NPHS2: variants seen among roughly 807,000 people sequenced by gnomAD.
NPHS2 encodes podocin.
Under a neutral mutation model 37.1 loss-of-function variants are expected in NPHS2, and 36 were observed. The observed-to-expected ratio is 0.97, with a 90% CI of 0.74 to 1.28. The LOEUF (loss-of-function observed/expected upper bound fraction) is 1.28. Ranked by LOEUF, NPHS2 falls within the 50% of genes most tolerant of loss-of-function variation. The pLI is 0.00. For missense variants in NPHS2, 447 were observed against 488.1 expected (o/e 0.92, Z 0.79); for synonymous variants, 196 against 189.3 (o/e 1.04, Z -0.29).
intron 1 of NPHS2, among the ~76,000 whole-genome samples, chr1:179,574,559 G>T (rs563632912): frequency 4.6e-5 from 7 of 152,162 alleles, no homozygotes; most frequent in Non-Finnish European, 7.3e-5. Flanking sequence ...ACTGATGAAA[G>T]GGTATCATCA....
intron 1 of NPHS2, among the ~76,000 whole-genome samples, chr1:179,571,214 G>A (rs1674537984): frequency 6.6e-6 from 1 of 152,188 alleles, no homozygotes; most frequent in African/African-American, 2.4e-5. Flanking sequence ...TCTACCTTTG[G>A]TCTTTAATGT....
chr1:179,572,126 C>A (rs1674588610), intron 1 of NPHS2, among the ~76,000 whole-genome samples: 1 of 152,218 alleles, frequency 6.6e-6, no homozygotes. Flanking sequence ...GTTGGAAATG[C>A]AGAAATCACC....
At chr1:179,570,028 T>C (rs1270321882) in intron 1 of NPHS2, among the ~76,000 whole-genome samples, 1 of 152,204 alleles carries the variant, frequency 6.6e-6, no homozygotes, top group Non-Finnish European at 1.5e-5. Flanking sequence ...GTCTTGGGGT[T>C]GCTTTTCTCA....
At chr1:179,564,405 G>A (rs1424194986) in intron 2 of NPHS2, among the ~76,000 whole-genome samples, 1 of 152,192 alleles carries the variant, frequency 6.6e-6, no homozygotes, top group East Asian at 1.9e-4. Context: ...GCAGATGAAC[G>A]AGACATAGCC....
At position 179,559,745 on chromosome 1, in the gene NPHS2, C is replaced by CAA; in HGVS notation, c.466_467dup (p.Leu156PhefsTer26). 6.3e-7 allele frequency: 1 copy of CAA among 1,575,072 alleles called. No homozygotes were observed. Among genetic ancestry groups the CAA allele is most frequent in the Non-Finnish European group, 8.7e-7 (1 of 1,154,848 alleles). Reference sequence around the variant, plus strand: ...CCTTGTGGTAGGTATCCAGGCAGGGCAAAAAAAAGAAAAGACCTAAAAGAG... The same window carrying CAA: ...CCTTGTGGTAGGTATCCAGGCAGGGCAAAAAAAAAAGAAAAGACCTAAAAGAG... On this transcript the variant is annotated frameshift_variant, in exon 4 of 8. Transcript: ENST00000367615. LOFTEE classifies it high-confidence loss of function.
intron 1 of NPHS2, among the ~76,000 whole-genome samples, chr1:179,573,544 G>A (rs996749933): frequency 6.6e-6 from 1 of 152,070 alleles, no homozygotes; most frequent in African/African-American, 2.4e-5. Context: ...GATATTCTAT[G>A]GAACTTATTT....
Position 179,575,834 on chromosome 1 carries a change from C to A in NPHS2, c.31G>T (p.Glu11Ter). The change falls in exon 1 of 8, where the codon GAG (glutamate) becomes TAG (stop). Residue 11 changes from glutamate to a stop codon, truncating the protein, a stop_gained. Transcript: ENST00000367615. LOFTEE classifies it high-confidence loss of function. Reference protein sequence around the residue: MERRARSSSRESRGRGGRTPH... With the variant: MERRARSSSR ...GTCCTGCCGCCTCGCCCGCGGGACTCCCTGGAGGAGCTCCGCGCCCTCCTC... is the reference window on the plus strand; with the variant it reads ...GTCCTGCCGCCTCGCCCGCGGGACTACCTGGAGGAGCTCCGCGCCCTCCTC... The A allele has an allele frequency of 1.4e-6, 2 of 1,443,722 alleles. No homozygotes were observed. Among genetic ancestry groups the A allele is most frequent in the Non-Finnish European group, 9.0e-7 (1 of 1,108,034 alleles). 89.4% of individuals were successfully genotyped at this position (1,443,722 alleles called of 1,614,324 possible).
In NPHS2 at chr1:179,552,577, T is replaced by C. The variant is rs763475216; in HGVS notation, c.873+26A>G. The C allele has an allele frequency of 5.6e-6, 9 of 1,599,558 alleles. No individual in the cohort carries two copies. In the East Asian group the frequency reaches 2.0e-4, roughly 36 times the overall value. On this transcript the variant is annotated intron_variant, in intron 7 of 7. Transcript: ENST00000367615. Reference sequence around the variant, plus strand: ...ACGAGCAGGCCTTCCTAAAGGGCAGTCTGGGTGGGAGGATGGAGTGCTCAC... The same window carrying C: ...ACGAGCAGGCCTTCCTAAAGGGCAGCCTGGGTGGGAGGATGGAGTGCTCAC...
In NPHS2 at chr1:179,575,805, C is replaced by A; in HGVS notation, c.60G>T (p.Pro20=). The change falls in exon 1 of 8, where the codon CCG becomes CCT. Residue 20 remains proline, a synonymous_variant. Coordinates refer to ENST00000367615, the MANE Select transcript of NPHS2 (RefSeq NM_014625.4). ...RESRGRGGRT[P]HKENKRAKAE... is the part of the protein sequence containing the mutation. ...CCTTTGCCCTCTTGTTCTCCTTGTGCGGAGTCCTGCCGCCTCGCCCGCGGG... is the reference window on the plus strand; with the variant it reads ...CCTTTGCCCTCTTGTTCTCCTTGTGAGGAGTCCTGCCGCCTCGCCCGCGGG... 2.7e-6 allele frequency: 4 copies of A among 1,476,010 alleles called. No individual in the cohort carries two copies. The South Asian group carries it at 4.1e-5, about 15-fold the overall frequency. 91.4% of individuals were successfully genotyped at this position (1,476,010 alleles called of 1,614,324 possible). A position where few individuals can be genotyped will look rare whatever the true frequency, so the allele number is the denominator to read the frequency against.
intron 1 of NPHS2, among the ~76,000 whole-genome samples, chr1:179,572,163 G>A (rs981618566): frequency 3.3e-5 from 5 of 152,286 alleles, no homozygotes; most frequent in Admixed American, 6.5e-5. Context: ...CATGCTGGGC[G>A]CTGTAGACCG....
Position 179,550,988 on chromosome 1 carries a change from T to C in NPHS2, c.*185A>G. Reference sequence around the variant, plus strand: ...AGATGAGTCACGGAAACATGTTGTCTGCCTTCTCTGTCATTACATCATTTC... The same window carrying C: ...AGATGAGTCACGGAAACATGTTGTCCGCCTTCTCTGTCATTACATCATTTC... On this transcript the variant is annotated 3_prime_UTR_variant, in exon 8 of 8. Coordinates refer to ENST00000367615, the MANE Select transcript of NPHS2 (RefSeq NM_014625.4). 1 of 693,216 alleles carries C rather than the reference T, an allele frequency of 1.4e-6. No homozygotes were observed. Among genetic ancestry groups the C allele is most frequent in the Non-Finnish European group, 2.4e-6 (1 of 408,878 alleles). 42.9% of individuals were successfully genotyped at this position (693,216 alleles called of 1,614,324 possible).
chr1:179,559,419 T>C (rs993510795), intron 4 of NPHS2, among the ~76,000 whole-genome samples: 1 of 152,202 alleles, frequency 6.6e-6, no homozygotes, highest in Non-Finnish European at 1.5e-5. Context: ...TTACTTTTTT[T>C]GTTGTTGAGA....
At chr1:179,561,169 T>G in intron 3 of NPHS2, 120 bp downstream of exon 3, 2 of 804,392 alleles carry the variant, frequency 2.5e-6, no homozygotes, top group Non-Finnish European at 4.5e-6. Flanking sequence ...ATTGGAAAAT[T>G]CAGATATCAT....
chr1:179,555,677 G>A (rs967675953), intron 5 of NPHS2, among the ~76,000 whole-genome samples: 10 of 152,152 alleles, frequency 6.6e-5, no homozygotes, highest in South Asian at 4.1e-4. Context: ...GGAAGTATTC[G>A]ATGCAGAAGA....
chr1:179,558,575 T>C (rs991720163), intron 4 of NPHS2, among the ~76,000 whole-genome samples: 1 of 152,160 alleles, frequency 6.6e-6, no homozygotes, highest in East Asian at 1.9e-4. Context: ...GACCCTACTT[T>C]CAATTCTTTT....
In NPHS2 at chr1:179,552,258, C is replaced by T. The variant is rs1257107385; in HGVS notation, c.873+345G>A. 1.1e-5 allele frequency: 4 copies of T among 368,400 alleles called. No individual in the cohort carries two copies. In the East Asian group the frequency reaches 2.6e-4, roughly 24 times the overall value. The allele number at this position is 368,400 out of a possible 1,614,324, so 22.8% of individuals were successfully genotyped here. ...CTTGGGATACAGTTCTAGGGGATAC[C>T]TAGAAGTTAGAAGTTAGGGTGACTA... On this transcript the variant is annotated intron_variant, in intron 7 of 7. Coordinates refer to ENST00000367615, the MANE Select transcript of NPHS2 (RefSeq NM_014625.4).
chr1:179,559,130 A>T (rs1297062268), intron 4 of NPHS2, among the ~76,000 whole-genome samples: 1 of 152,214 alleles, frequency 6.6e-6, no homozygotes, highest in Non-Finnish European at 1.5e-5. Flanking sequence ...GGAAGAGTTT[A>T]TCTTTTCTAC....
chr1:179,575,520 C>T (rs1288337236), intron 1 of NPHS2, 71 bp downstream of exon 1: 2 of 1,586,840 alleles, frequency 1.3e-6, no homozygotes, highest in Non-Finnish European at 1.7e-6. Context: ...TGGGGATGAC[C>T]CTTTCCACCT....
Position 179,561,270 on chromosome 1 carries a change from A to G in NPHS2, c.451+19T>C. 1 of 1,599,748 alleles carries G rather than the reference A, an allele frequency of 6.3e-7. No individual in the cohort carries two copies. The highest frequency in any genetic ancestry group is 1.1e-5 in the South Asian group (1 of 90,772). ...AAGTCAGGAGAGAGGTGTTTAGAAA[A>G]AAAAGAGTGTTTTTTTACCAGGGCC... On this transcript the variant is annotated intron_variant, in intron 3 of 7. Transcript: ENST00000367615.
Sources: gnomAD v4.1 joint callset for allele counts (sites outside exome capture counted in the v4.1 genomes callset) on GRCh38, gnomAD v4.1.1 for gene constraint, MANE v1.5 for transcripts, NCBI Gene and HGNC (gene_info 2026-07-23, HGNC 2026-07-21) for gene names.